The following PDE7B variants were observed in gnomAD, a reference collection of about 807,000 sequenced individuals.
PDE7B encodes the protein phosphodiesterase 7B, also known as 3',5'-cyclic-AMP phosphodiesterase 7B.
PDE7B carries 29 observed loss-of-function variants against 56.2 expected under a neutral mutation model. That is an observed-to-expected ratio of 0.52 (90% confidence interval 0.38 to 0.70). The LOEUF (loss-of-function observed/expected upper bound fraction) is 0.70. Among genes scored for constraint, PDE7B ranks in the 30% least tolerant of loss-of-function variants. The pLI, the probability that PDE7B is intolerant of heterozygous loss-of-function variation, is 0.00. For missense variants in PDE7B, 490 were observed against 565.0 expected, an observed-to-expected ratio of 0.87 and a Z score of 1.35; for synonymous variants, 197 against 196.9, an observed-to-expected ratio of 1.00 and a Z score of 0.00.
intron 8 of PDE7B, among the ~76,000 whole-genome samples, chr6:136,161,481 C>A (rs1435708269): frequency 2.6e-5 from 4 of 152,110 alleles, no homozygotes; most frequent in African/African-American, 9.7e-5. Context: ...GAAGGAGTAG[C>A]AATGATTAAA....
At chr6:136,028,894 G>A (rs1340310946) in intron 2 of PDE7B, among the ~76,000 whole-genome samples, 5 of 152,158 alleles carry the variant, frequency 3.3e-5, no homozygotes, top group Non-Finnish European at 5.9e-5. Flanking sequence ...ACCTTTGGAA[G>A]GCCATTATTC....
chr6:136,181,048 G>C (rs1233245687), intron 10 of PDE7B, among the ~76,000 whole-genome samples, 179 bp from the exon 11 acceptor site: 1 of 152,162 alleles, frequency 6.6e-6, no homozygotes, highest in Non-Finnish European at 1.5e-5. Context: ...CTCAATGCAG[G>C]CTTTGTATCA....
chr6:136,006,331 T>G (rs1458212905), intron 2 of PDE7B, among the ~76,000 whole-genome samples: 2 of 152,048 alleles, frequency 1.3e-5, no homozygotes, highest in Non-Finnish European at 2.9e-5. Flanking sequence ...ATTGTGCACA[T>G]GTACCCTAAA....
intron 3 of PDE7B, among the ~76,000 whole-genome samples, chr6:136,126,725 T>A (rs1279637471): frequency 6.6e-6 from 1 of 152,168 alleles, no homozygotes; most frequent in African/African-American, 2.4e-5. Flanking sequence ...CATCGTATGT[T>A]CTCACTCATA....
At chr6:135,930,759 G>A (rs982310533) in intron 1 of PDE7B, among the ~76,000 whole-genome samples, 6 of 152,100 alleles carry the variant, frequency 3.9e-5, no homozygotes, top group Admixed American at 3.3e-4. Context: ...AATTATTTTC[G>A]AGATATTCAG....
At chr6:136,066,234 C>T (rs939693407) in intron 2 of PDE7B, among the ~76,000 whole-genome samples, 2 of 152,210 alleles carry the variant, frequency 1.3e-5, no homozygotes, top group African/African-American at 4.8e-5. Context: ...GGAAATGTGA[C>T]TGACTCCCCC....
At chr6:136,038,081 A>T in intron 2 of PDE7B, 5 of 1,337,780 alleles carry the variant, frequency 3.7e-6, no homozygotes, top group Non-Finnish European at 4.9e-6. Context: ...GGGCCTGAAG[A>T]GACAGGGAGG....
At chr6:136,153,886 C>A (rs1249882002) in intron 6 of PDE7B, among the ~76,000 whole-genome samples, 189 bp from the exon 7 acceptor site, 1 of 152,184 alleles carries the variant, frequency 6.6e-6, no homozygotes, top group African/African-American at 2.4e-5. Context: ...CTGTCCATCT[C>A]TGCTCTCTGC....
intron 2 of PDE7B, among the ~76,000 whole-genome samples, chr6:136,021,145 C>G (rs922527760): frequency 1.3e-5 from 2 of 152,192 alleles, no homozygotes; most frequent in African/African-American, 4.8e-5. Flanking sequence ...TAACCAAGGA[C>G]TGGCTTTTCC....
Position 136,064,892 on chromosome 6 carries a change from T to C in PDE7B, c.83-43839T>C, listed in dbSNP as rs527570155. Among the ~76,000 whole-genome samples, 247 of 152,302 alleles carry C rather than the reference T, an allele frequency of 1.6e-3. 1 individual carries two copies. The highest frequency in any genetic ancestry group is 2.9e-3 in the Non-Finnish European group (196 of 68,010). On this transcript the variant is annotated intron_variant, in intron 2 of 12. Transcript: ENST00000308191. ...CCCCCAAGAGCAGAAACAGTATTTG[T>C]TACTGCTCTATGCCTGGCACTTGAT... is the stretch of plus-strand genomic sequence containing the variant.
chr6:136,159,639 C>T (rs1176556444), intron 8 of PDE7B, among the ~76,000 whole-genome samples: 1 of 152,144 alleles, frequency 6.6e-6, no homozygotes, highest in African/African-American at 2.4e-5. Flanking sequence ...GGGAAGAACT[C>T]AGCAGCCTCC....
At chr6:135,893,800 A>T (rs1384909687) in intron 1 of PDE7B, among the ~76,000 whole-genome samples, 3 of 152,198 alleles carry the variant, frequency 2.0e-5, no homozygotes, top group Non-Finnish European at 4.4e-5. Flanking sequence ...TATAGAAATT[A>T]ATAATGACAA....
At chr6:135,991,878 A>G (rs1017524261) in intron 2 of PDE7B, 2 of 152,232 alleles carry the variant, frequency 1.3e-5, no homozygotes, top group Non-Finnish European at 2.9e-5. Flanking sequence ...GCATGAAGAT[A>G]GATTATTTTC....
intron 1 of PDE7B, among the ~76,000 whole-genome samples, chr6:135,897,445 C>T (rs1775922569): frequency 6.6e-6 from 1 of 152,056 alleles, no homozygotes; most frequent in African/African-American, 2.4e-5. Flanking sequence ...AGTGAATGGC[C>T]CTATTTTCAT....
intron 1 of PDE7B, among the ~76,000 whole-genome samples, chr6:135,870,773 T>A (rs974336397): frequency 6.6e-5 from 10 of 151,870 alleles, no homozygotes; most frequent in African/African-American, 2.2e-4. Context: ...GAATTTAAAT[T>A]TATCAATATA....
At chr6:136,107,396 A>G (rs1266555085) in intron 2 of PDE7B, among the ~76,000 whole-genome samples, 1 of 152,184 alleles carries the variant, frequency 6.6e-6, no homozygotes, top group Non-Finnish European at 1.5e-5. Flanking sequence ...CTGATTCCAT[A>G]TTATATATAA....
chr6:135,897,262 G>A (rs1367197309), intron 1 of PDE7B, among the ~76,000 whole-genome samples: 1 of 85,616 alleles, frequency 1.2e-5, no homozygotes, highest in Non-Finnish European at 2.2e-5. Flanking sequence ...CATTGTGTCA[G>A]GGTGTGTGTG....
At chr6:135,995,742 T>C (rs1205647649) in intron 2 of PDE7B, among the ~76,000 whole-genome samples, 1 of 152,206 alleles carries the variant, frequency 6.6e-6, no homozygotes, top group East Asian at 1.9e-4. Flanking sequence ...CCCATATCCA[T>C]TAACTAAAGA....
In PDE7B at chr6:135,942,148, A is replaced by G. The variant is rs546596257; in HGVS notation, c.22-5316A>G. Among the ~76,000 whole-genome samples the G allele has an allele frequency of 7.2e-5, 11 of 152,272 alleles. No individual in the cohort carries two copies. The East Asian group carries it at 2.1e-3, about 29-fold the overall frequency. Reference sequence around the variant, plus strand: ...ATTTTTCTTTAAGGAAAAGAGGTTCATTTAATACTTAAGGGTGATTTTAAA... The same window carrying G: ...ATTTTTCTTTAAGGAAAAGAGGTTCGTTTAATACTTAAGGGTGATTTTAAA... On this transcript the variant is annotated intron_variant, in intron 1 of 12. Transcript: ENST00000308191.
Sources: gnomAD v4.1 joint callset for allele counts (sites outside exome capture counted in the v4.1 genomes callset) on GRCh38, gnomAD v4.1.1 for gene constraint, MANE v1.5 for transcripts, NCBI Gene and HGNC (gene_info 2026-07-23, HGNC 2026-07-21) for gene names.